The following TANGO6 variants were observed in gnomAD, a reference collection of about 807,000 sequenced individuals.
The protein encoded by TANGO6 is transport and golgi organization 6 homolog.
TANGO6 carries 90 observed loss-of-function variants against 114.2 expected under a neutral mutation model. The ratio of observed to expected loss-of-function variants is 0.79; its 90% CI spans 0.66 to 0.94. The LOEUF (loss-of-function observed/expected upper bound fraction) is 0.94. Ranked by LOEUF, TANGO6 falls within the 40% of genes least tolerant of loss-of-function variation. TANGO6 has a pLI of 0.00. For synonymous variants in TANGO6, 477 were observed against 509.8 expected, an observed-to-expected ratio of 0.94 and a Z score of 0.87; for missense variants, 1,274 against 1,315.3, an observed-to-expected ratio of 0.97 and a Z score of 0.49.
At chr16:68,847,263 T>C (rs1961825250) in intron 1 of TANGO6, among the ~76,000 whole-genome samples, 1 of 152,216 alleles carries the variant, frequency 6.6e-6, no homozygotes, top group Non-Finnish European at 1.5e-5. Flanking sequence ...TAGTACATTC[T>C]TGAGAATCTA....
chr16:68,988,260 C>T (rs980194449), intron 15 of TANGO6, among the ~76,000 whole-genome samples: 2 of 152,206 alleles, frequency 1.3e-5, no homozygotes, highest in Non-Finnish European at 2.9e-5. Flanking sequence ...CCTCATATGA[C>T]TCGACTTTCC....
At chr16:69,009,432 T>C (rs1964125819) in intron 15 of TANGO6, among the ~76,000 whole-genome samples, 1 of 152,198 alleles carries the variant, frequency 6.6e-6, no homozygotes, top group East Asian at 1.9e-4. Flanking sequence ...TACCTATTAT[T>C]AGGCCGGTAT....
At chr16:68,882,579 C>A (rs911479625) in intron 7 of TANGO6, among the ~76,000 whole-genome samples, 3 of 151,982 alleles carry the variant, frequency 2.0e-5, no homozygotes, top group Admixed American at 6.6e-5. Context: ...ACAAATGACA[C>A]AAGGGATCTT....
intron 15 of TANGO6, among the ~76,000 whole-genome samples, chr16:68,976,562 A>G (rs1302810927): frequency 6.6e-6 from 1 of 152,244 alleles, no homozygotes; most frequent in Non-Finnish European, 1.5e-5. Flanking sequence ...ATACTGGGCT[A>G]TATAACATAG....
chr16:69,035,252 G>T (rs1959668038), intron 16 of TANGO6: 1 of 152,220 alleles, frequency 6.6e-6, no homozygotes, highest in Non-Finnish European at 1.5e-5. Flanking sequence ...ACCTGCCATG[G>T]TTTCTTTCAT....
At position 68,867,162 on chromosome 16, in the gene TANGO6, G is replaced by C; in HGVS notation, c.936G>C (p.Arg312Ser). 1 of 1,613,848 alleles carries C rather than the reference G, an allele frequency of 6.2e-7. No individual in the cohort carries two copies. The highest frequency in any genetic ancestry group is 8.5e-7 in the Non-Finnish European group (1 of 1,179,856). ...RRLCGQLLSE[R>S]LMRPNGVQAV... ...TATGTGGACAGCTGCTCTCTGAAAG[G>C]TTAATGAGACCTAATGGTGTTCAGG... Residue 312 changes from arginine to serine, a missense_variant, in exon 4 of 18, where the codon AGG becomes AGC. Arg to Ser is a moderately radical substitution (Grantham distance 110, BLOSUM62 -1). This residue lies in a region of TANGO6 where 908 missense variants were observed against 910.2 expected (regional missense o/e 1.00). Transcript: ENST00000261778.
At chr16:69,081,462 G>A (rs1028204336) in intron 17 of TANGO6, among the ~76,000 whole-genome samples, 1 of 151,332 alleles carries the variant, frequency 6.6e-6, no homozygotes, top group Non-Finnish European at 1.5e-5. Context: ...TGCAACCTCC[G>A]CCTCCCCAGC....
intron 15 of TANGO6, among the ~76,000 whole-genome samples, chr16:68,980,409 C>CTCTCTCTCTCTCTCTCTCTCTATA (rs1408626276): frequency 4.4e-5 from 3 of 67,982 alleles, no homozygotes; most frequent in South Asian, 5.3e-4. Context: ...CTCTCTCTCT[C>CTCTCTCTCTCTCTCTCTCTCTATA]TATATATATA....
At chr16:69,063,349 C>T (rs1960155712) in intron 17 of TANGO6, among the ~76,000 whole-genome samples, 1 of 151,948 alleles carries the variant, frequency 6.6e-6, no homozygotes, top group Non-Finnish European at 1.5e-5. Context: ...ACAGTGAAAC[C>T]CCGTCTCTAC....
chr16:68,903,691 G>T (rs1962814066), intron 9 of TANGO6, among the ~76,000 whole-genome samples: 1 of 151,344 alleles, frequency 6.6e-6, no homozygotes, highest in African/African-American at 2.4e-5. Flanking sequence ...GGAGGCCGAG[G>T]TGGGTAGATC....
chr16:68,870,783 G>A (rs2152164344), intron 4 of TANGO6, among the ~76,000 whole-genome samples: 1 of 149,812 alleles, frequency 6.7e-6, no homozygotes, highest in African/African-American at 2.5e-5. Context: ...TTTAGTGTAG[G>A]TCTACTGGCA....
intron 15 of TANGO6, among the ~76,000 whole-genome samples, chr16:69,017,259 G>C (rs1337988908): frequency 6.6e-6 from 1 of 152,090 alleles, no homozygotes; most frequent in African/African-American, 2.4e-5. Context: ...TCCCCATTAG[G>C]TTTTGCCATG....
intron 17 of TANGO6, among the ~76,000 whole-genome samples, chr16:69,078,725 T>C (rs1389461871): frequency 6.6e-6 from 1 of 152,124 alleles, no homozygotes; most frequent in East Asian, 1.9e-4. Context: ...AAATATACGT[T>C]TCTGTATTTT....
chr16:69,040,626 A>G (rs1202965455), intron 17 of TANGO6, among the ~76,000 whole-genome samples: 1 of 152,092 alleles, frequency 6.6e-6, no homozygotes, highest in African/African-American at 2.4e-5. Flanking sequence ...ATATTGGCCA[A>G]ACTATATACT....
rs140479011 is a variant in TANGO6, at chr16:68,847,368, A to G, written c.94+3657A>G. Among the ~76,000 whole-genome samples the G allele has an allele frequency of 5.2e-4, 79 of 152,274 alleles. No individual in the cohort carries two copies. The East Asian group carries it at 6.6e-3, about 13-fold the overall frequency. Reference sequence around the variant, plus strand: ...GGAACCCCCGGCAAGCCAGGTCCCCATAGCATACTAGGAACTGCTACTTTA... The same window carrying G: ...GGAACCCCCGGCAAGCCAGGTCCCCGTAGCATACTAGGAACTGCTACTTTA... On this transcript the variant is annotated intron_variant, in intron 1 of 17. Transcript: ENST00000261778.
At chr16:68,990,965 G>A (rs1180321242) in intron 15 of TANGO6, among the ~76,000 whole-genome samples, 1 of 152,200 alleles carries the variant, frequency 6.6e-6, no homozygotes, top group African/African-American at 2.4e-5. Flanking sequence ...TTAGGATGTT[G>A]TTGGGGCAAG....
intron 7 of TANGO6, among the ~76,000 whole-genome samples, chr16:68,884,983 G>A (rs1174582287): frequency 6.6e-6 from 1 of 152,216 alleles, no homozygotes; most frequent in Non-Finnish European, 1.5e-5. Flanking sequence ...TATTCTCTCT[G>A]CAAGGTTTTG....
At chr16:69,009,756 T>C (rs533523628) in intron 15 of TANGO6, among the ~76,000 whole-genome samples, 1 of 152,368 alleles carries the variant, frequency 6.6e-6, no homozygotes, top group Admixed American at 6.5e-5. Flanking sequence ...GCACTTCTTT[T>C]GTTAAATTTA....
intron 12 of TANGO6, among the ~76,000 whole-genome samples, 174 bp from the exon 13 acceptor site, chr16:68,927,394 G>C (rs1963180313): frequency 6.6e-6 from 1 of 152,118 alleles, no homozygotes; most frequent in Non-Finnish European, 1.5e-5. Context: ...ATAAATGTTA[G>C]GTATGATTAT....
Sources: allele counts gnomAD v4.1 joint callset (sites outside exome capture counted in the v4.1 genomes callset), GRCh38; gene constraint gnomAD v4.1.1; regional missense constraint gnomAD v4.1.1; transcripts MANE v1.5; gene names NCBI Gene and HGNC (gene_info 2026-07-23, HGNC 2026-07-21).